KHDRBS3: variants seen among roughly 807,000 people sequenced by gnomAD.
KHDRBS3 encodes KH domain-containing, RNA-binding, signal transduction-associated protein 3.
Under a neutral mutation model 45.6 loss-of-function variants are expected in KHDRBS3, and 23 were observed. That is an observed-to-expected ratio of 0.50 (90% confidence interval 0.36 to 0.72). The LOEUF is 0.72. Ranked by LOEUF, KHDRBS3 falls within the 30% of genes least tolerant of loss-of-function variation. The pLI, the probability that KHDRBS3 is intolerant of heterozygous loss-of-function variation, is 0.00. For missense variants in KHDRBS3, 352 were observed against 424.8 expected (o/e 0.83, Z 1.51); for synonymous variants, 162 against 156.5 (o/e 1.04, Z -0.26).
chr8:135,588,361 C>A (rs1018599078), intron 6 of KHDRBS3, among the ~76,000 whole-genome samples: 1 of 152,158 alleles, frequency 6.6e-6, no homozygotes, highest in Non-Finnish European at 1.5e-5. Flanking sequence ...CAGGCAGCCA[C>A]CCTCGCGCGG....
At chr8:135,624,714 T>C (rs1041885020) in intron 7 of KHDRBS3, among the ~76,000 whole-genome samples, 1 of 152,182 alleles carries the variant, frequency 6.6e-6, no homozygotes, top group Non-Finnish European at 1.5e-5. Flanking sequence ...CAACACAATG[T>C]CAAACACAGT....
intron 1 of KHDRBS3, among the ~76,000 whole-genome samples, chr8:135,498,796 G>T (rs548598496): frequency 1.3e-5 from 2 of 152,216 alleles, no homozygotes; most frequent in Admixed American, 1.3e-4. Context: ...AATACGGAGG[G>T]TGCAGAATTA....
chr8:135,584,370 T>C lies in KHDRBS3; in HGVS notation c.807+2297T>C, dbSNP rs561449378. ...AGCTGTGTGCTTTCCAGGTGTGCTTTGGGTGGTATAGTGGGACACCAAAGG... is the reference window on the plus strand; with the variant it reads ...AGCTGTGTGCTTTCCAGGTGTGCTTCGGGTGGTATAGTGGGACACCAAAGG... On this transcript the variant is annotated intron_variant, in intron 6 of 8. Transcript: ENST00000355849. 4.1e-4 allele frequency among the ~76,000 whole-genome samples: 63 copies of C among 152,364 alleles called. No individual in the cohort carries two copies. In the South Asian group the frequency reaches 0.013, roughly 31 times the overall value.
Position 135,457,931 on chromosome 8 carries a change from A to G in KHDRBS3, c.65A>G (p.His22Arg), listed in dbSNP as rs1821197427. 2 of 1,601,012 alleles carry G rather than the reference A, an allele frequency of 1.2e-6. No individual in the cohort carries two copies. Among genetic ancestry groups the G allele is most frequent in the Non-Finnish European group, 1.7e-6 (2 of 1,174,594 alleles). Residue 22 changes from histidine (H) to arginine (R), a missense_variant, in exon 1 of 9, where the codon CAC (histidine) becomes CGC (arginine). By Grantham distance (29) the His-to-Arg change is conservative (BLOSUM62 0). Coordinates refer to ENST00000355849, the MANE Select transcript of KHDRBS3 (RefSeq NM_006558.3). This position sits in a 1 kb window ranked among gnomAD's most constrained non-coding sequence, Gnocchi z 4.4. The part of the protein sequence containing the change: ...EKDSLDPSFT[H>R]ALRLVNQEIE... Reference sequence around the variant, plus strand: ...GACTCCCTGGACCCCTCCTTCACGCACGCCCTGCGCCTGGTGAACCAAGGT... The same window carrying G: ...GACTCCCTGGACCCCTCCTTCACGCGCGCCCTGCGCCTGGTGAACCAAGGT...
chr8:135,470,567 T>A (rs1017508171), intron 1 of KHDRBS3, among the ~76,000 whole-genome samples: 4 of 150,574 alleles, frequency 2.7e-5, no homozygotes, highest in Admixed American at 2.0e-4. Context: ...TTGGTCAGGG[T>A]TTTGCTGCTT....
At chr8:135,611,365 G>C (rs1046709505) in intron 7 of KHDRBS3, among the ~76,000 whole-genome samples, 4 of 151,970 alleles carry the variant, frequency 2.6e-5, no homozygotes, top group African/African-American at 9.7e-5. Flanking sequence ...ACTGAGGTCT[G>C]ACTGTAACTA....
At chr8:135,569,173 T>A (rs149872858) in intron 5 of KHDRBS3, among the ~76,000 whole-genome samples, 1 of 152,270 alleles carries the variant, frequency 6.6e-6, no homozygotes, top group East Asian at 1.9e-4. Flanking sequence ...TAGCAGAATA[T>A]TTTAGGAAGA....
At chr8:135,652,265 A>G (rs934628506), downstream of KHDRBS3, among the ~76,000 whole-genome samples, 1 of 152,206 alleles carries the variant, frequency 6.6e-6, no homozygotes, top group Non-Finnish European at 1.5e-5. Context: ...ATCGATGGAA[A>G]ATCCCGTCCA....
At chr8:135,516,584 G>T (rs1824619272) in intron 1 of KHDRBS3, among the ~76,000 whole-genome samples, 1 of 151,876 alleles carries the variant, frequency 6.6e-6, no homozygotes, top group Non-Finnish European at 1.5e-5. Flanking sequence ...GTGTGTGTGT[G>T]TGTGTGTGTG....
In KHDRBS3 at chr8:135,623,703, A is replaced by G. The variant is rs549203398; in HGVS notation, c.890+16666A>G. 3.9e-5 allele frequency among the ~76,000 whole-genome samples: 6 copies of G among 152,320 alleles called. No homozygotes were observed. In the Middle Eastern group the frequency reaches 0.014, roughly 345 times the overall value. ...AATTTTAGGGCAACAAAAGTCTAAA[A>G]GGCCGCAAAAGAGAAATAGCACCAC... On this transcript the variant is annotated intron_variant, in intron 7 of 8. Transcript: ENST00000355849.
intron 7 of KHDRBS3, among the ~76,000 whole-genome samples, chr8:135,629,488 C>G (rs1830506762): frequency 6.6e-6 from 1 of 152,192 alleles, no homozygotes; most frequent in Non-Finnish European, 1.5e-5. Context: ...CTTCTAGAAA[C>G]TGGAACTTAA....
chr8:135,519,210 A>C (rs1824779172), intron 1 of KHDRBS3, among the ~76,000 whole-genome samples: 1 of 152,076 alleles, frequency 6.6e-6, no homozygotes. Context: ...CGTCTCCCCC[A>C]TCTCATCGCT....
At chr8:135,559,884 C>T (rs1190399722) in intron 5 of KHDRBS3, among the ~76,000 whole-genome samples, 1 of 152,104 alleles carries the variant, frequency 6.6e-6, no homozygotes, top group Non-Finnish European at 1.5e-5. Flanking sequence ...CCTCAAATCT[C>T]ACCCAAAAAG....
chr8:135,494,792 C>A (rs1273094530), intron 1 of KHDRBS3, among the ~76,000 whole-genome samples: 1 of 152,216 alleles, frequency 6.6e-6, no homozygotes, highest in Non-Finnish European at 1.5e-5. Context: ...TCCCCTCCAC[C>A]ATCGCCATTC....
At chr8:135,625,718 GTCAACACCCATCC>G (rs1418555523) in intron 7 of KHDRBS3, 1 of 766,252 alleles carries the variant, frequency 1.3e-6, no homozygotes, top group Non-Finnish European at 2.4e-6. Context: ...GAATTATTTT[GTCAACACCCATCC>G]TCTTAAAACC....
intron 5 of KHDRBS3, among the ~76,000 whole-genome samples, chr8:135,573,475 C>A (rs1184209429): frequency 6.6e-6 from 1 of 152,204 alleles, no homozygotes. Context: ...TTACCACTTA[C>A]TACATGCCTG....
In KHDRBS3 at chr8:135,536,984, A is replaced by G. The variant is rs1267889174; in HGVS notation, c.208-5670A>G. Among the ~76,000 whole-genome samples the G allele has an allele frequency of 2.5e-4, 13 of 52,876 alleles. 2 individuals are homozygous for G. Among genetic ancestry groups the G allele is most frequent in the South Asian group, 1.5e-3 (2 of 1,330 alleles). 34.7% of individuals were successfully genotyped at this position (52,876 alleles called of 152,430 possible). Reference sequence around the variant, plus strand: ...TCCATCTCAAAAAAAAAAAAAAAAAAAAAAAAAAAAAAAGGAGATGTTTAG... The same window carrying G: ...TCCATCTCAAAAAAAAAAAAAAAAAGAAAAAAAAAAAAAGGAGATGTTTAG... On this transcript the variant is annotated intron_variant, in intron 2 of 8. Coordinates refer to ENST00000355849, the MANE Select transcript of KHDRBS3 (RefSeq NM_006558.3).
chr8:135,578,502 CTT>C (rs1828053367), intron 5 of KHDRBS3, among the ~76,000 whole-genome samples: 3 of 151,284 alleles, frequency 2.0e-5, no homozygotes, highest in Non-Finnish European at 2.9e-5. Context: ...ATTGAATTGT[CTT>C]TGCTCCTTTG....
intron 1 of KHDRBS3, among the ~76,000 whole-genome samples, chr8:135,512,256 C>G (rs1330798248): frequency 6.6e-6 from 1 of 152,004 alleles, no homozygotes; most frequent in Non-Finnish European, 1.5e-5. Flanking sequence ...TGTAAATACT[C>G]TTTATATTTC....
Sources: allele counts gnomAD v4.1 joint callset (sites outside exome capture counted in the v4.1 genomes callset), GRCh38; gene constraint gnomAD v4.1.1; non-coding constraint Gnocchi (gnomAD v3.1); transcripts MANE v1.5; gene names NCBI Gene and HGNC (gene_info 2026-07-23, HGNC 2026-07-21).